The following TBC1D5 variants were observed in gnomAD, a reference collection of about 807,000 sequenced individuals.
TBC1D5 encodes TBC1 domain family member 5, also known as TBC1 domain family, member 5.
In TBC1D5, 75 loss-of-function variants were observed where a neutral mutation model predicts 100.3. The ratio of observed to expected loss-of-function variants is 0.75; its 90% CI spans 0.62 to 0.91. TBC1D5 has a LOEUF of 0.91. Ranked by LOEUF, TBC1D5 falls within the 40% of genes least tolerant of loss-of-function variation. The pLI, the probability that TBC1D5 is intolerant of heterozygous loss-of-function variation, is 0.00. For missense variants in TBC1D5, 910 were observed against 942.4 expected (o/e 0.97, Z 0.45); for synonymous variants, 323 against 325.6 (o/e 0.99, Z 0.09).
chr3:17,235,451 A>G (rs1057023053), intron 17 of TBC1D5, among the ~76,000 whole-genome samples: 16 of 152,220 alleles, frequency 1.1e-4, no homozygotes, highest in Admixed American at 9.2e-4. Context: ...GTTCTGAGAG[A>G]GAAATCACTT....
chr3:17,463,770 T>C (rs2095254553), intron 3 of TBC1D5, among the ~76,000 whole-genome samples: 1 of 152,126 alleles, frequency 6.6e-6, no homozygotes, highest in East Asian at 1.9e-4. Flanking sequence ...GAAACAAATA[T>C]ATAAACAACT....
intron 1 of TBC1D5, among the ~76,000 whole-genome samples, chr3:17,650,650 A>G (rs1476849575): frequency 1.3e-5 from 2 of 152,332 alleles, no homozygotes; most frequent in Non-Finnish European, 2.9e-5. Context: ...GGGCTTTCAC[A>G]TAGTGGCTCT....
intron 2 of TBC1D5, among the ~76,000 whole-genome samples, chr3:17,516,142 T>C (rs970743981): frequency 6.6e-6 from 1 of 152,220 alleles, no homozygotes; most frequent in Non-Finnish European, 1.5e-5. Flanking sequence ...TCTTCACTTT[T>C]CTAAATCCTG....
At chr3:17,550,419 C>T (rs1317385888) in intron 2 of TBC1D5, among the ~76,000 whole-genome samples, 2 of 151,872 alleles carry the variant, frequency 1.3e-5, no homozygotes, top group African/African-American at 4.8e-5. Flanking sequence ...TCTGAAATAC[C>T]ACTACACTGT....
chr3:17,186,839 C>A (rs1331342343), intron 18 of TBC1D5, among the ~76,000 whole-genome samples: 3 of 151,166 alleles, frequency 2.0e-5, no homozygotes, highest in African/African-American at 7.3e-5. Flanking sequence ...CAAGCACTAA[C>A]CATGTTCTTT....
Position 17,201,896 on chromosome 3 carries a change from G to A in TBC1D5, c.1752+12311C>T, listed in dbSNP as rs182477105. On this transcript the variant is annotated intron_variant, in intron 18 of 21. Coordinates refer to ENST00000253692, the Ensembl canonical transcript of TBC1D5. ...CAGGTAGTTATTTATAGTAATATGA[G>A]AATGGACTAATACAGAAAATTGGTA... is the stretch of plus-strand genomic sequence containing the variant. 2.4e-4 allele frequency among the ~76,000 whole-genome samples: 37 copies of A among 152,290 alleles called. No individual in the cohort carries two copies. The East Asian group carries it at 5.8e-3, about 24-fold the overall frequency.
intron 19 of TBC1D5, among the ~76,000 whole-genome samples, chr3:17,176,905 C>T (rs1400954589): frequency 6.6e-6 from 1 of 152,018 alleles, no homozygotes; most frequent in Non-Finnish European, 1.5e-5. Context: ...AAGCTTGGAG[C>T]CTAAGTGAGG....
intron 12 of TBC1D5, among the ~76,000 whole-genome samples, chr3:17,373,862 G>A (rs761690320): frequency 1.3e-5 from 2 of 152,056 alleles, no homozygotes; most frequent in Non-Finnish European, 2.9e-5. Flanking sequence ...GGGAAATGGA[G>A]AGTGACTGTT....
At chr3:17,641,913 C>T (rs1367379048) in intron 1 of TBC1D5, among the ~76,000 whole-genome samples, 1 of 151,952 alleles carries the variant, frequency 6.6e-6, no homozygotes, top group African/African-American at 2.4e-5. Flanking sequence ...TTCCCCTACA[C>T]AAAAAAGAAT....
At chr3:17,485,389 T>G (rs1255137029) in intron 3 of TBC1D5, among the ~76,000 whole-genome samples, 2 of 151,780 alleles carry the variant, frequency 1.3e-5, no homozygotes, top group African/African-American at 4.8e-5. Context: ...AATGTGCAGG[T>G]TAGTTACATA....
At chr3:17,696,520 G>A (rs998018565) in intron 1 of TBC1D5, among the ~76,000 whole-genome samples, 1 of 152,028 alleles carries the variant, frequency 6.6e-6, no homozygotes, top group African/African-American at 2.4e-5. Context: ...TGAATTCCTG[G>A]ATACATACAA....
intron 1 of TBC1D5, among the ~76,000 whole-genome samples, chr3:17,668,609 A>C (rs1410252694): frequency 6.6e-6 from 1 of 152,164 alleles, no homozygotes; most frequent in South Asian, 2.1e-4. Flanking sequence ...GCTAGAAGGG[A>C]GGCAATATGC....
intron 2 of TBC1D5, among the ~76,000 whole-genome samples, chr3:17,515,010 G>A (rs966791176): frequency 5.9e-5 from 9 of 151,338 alleles, no homozygotes; most frequent in African/African-American, 1.7e-4. Context: ...ATTCAACCTG[G>A]TTTTCATAAA....
At chr3:17,598,445 C>G (rs1487899929) in intron 2 of TBC1D5, among the ~76,000 whole-genome samples, 5 of 152,154 alleles carry the variant, frequency 3.3e-5, no homozygotes, top group Non-Finnish European at 5.9e-5. Flanking sequence ...ATTCTAAATT[C>G]TCAGTTCCAG....
chr3:17,225,147 T>C (rs992991759), intron 17 of TBC1D5, among the ~76,000 whole-genome samples: 7 of 151,956 alleles, frequency 4.6e-5, no homozygotes, highest in African/African-American at 1.5e-4. Context: ...AATATACATA[T>C]AAAATAACAG....
intron 3 of TBC1D5, among the ~76,000 whole-genome samples, chr3:17,474,784 C>G (rs1041184905): frequency 1.3e-5 from 2 of 152,014 alleles, no homozygotes; most frequent in African/African-American, 4.8e-5. Flanking sequence ...GGCAAGGACA[C>G]GTTAAGACTT....
chr3:17,423,961 G>C (rs1003310495), intron 4 of TBC1D5, among the ~76,000 whole-genome samples: 1 of 151,876 alleles, frequency 6.6e-6, no homozygotes, highest in African/African-American at 2.4e-5. Flanking sequence ...TTTGGCTATA[G>C]AGACACAAAA....
intron 2 of TBC1D5, among the ~76,000 whole-genome samples, chr3:17,550,723 G>A (rs1258827679): frequency 2.0e-5 from 3 of 152,002 alleles, no homozygotes; most frequent in Admixed American, 2.0e-4. Context: ...TTTAGTTCTT[G>A]GGGCAATCTA....
Position 17,560,920 on chromosome 3 carries a change from CA to C in TBC1D5, c.-35-52316del, listed in dbSNP as rs1296157794. 1.5e-3 allele frequency among the ~76,000 whole-genome samples: 208 copies of C among 134,262 alleles called. 2 individuals are homozygous for C. The highest frequency in any genetic ancestry group is 5.8e-3 in the Admixed American group (77 of 13,368). 88.1% of individuals were successfully genotyped at this position (134,262 alleles called of 152,430 possible). ...TGGGCGACAGAGCAAGACTCCATCT[CA>C]AAAAAAAAAAAGAAAAATAGTTTTT... On this transcript the variant is annotated intron_variant, in intron 2 of 21. Coordinates refer to ENST00000253692, the Ensembl canonical transcript of TBC1D5.
Sources: gnomAD v4.1 joint callset for allele counts (sites outside exome capture counted in the v4.1 genomes callset) on GRCh38, gnomAD v4.1.1 for gene constraint, MANE v1.5 for transcripts, NCBI Gene and HGNC (gene_info 2026-07-23, HGNC 2026-07-21) for gene names.